The following CTIF variants were observed in gnomAD, a reference collection of about 807,000 sequenced individuals.
The protein encoded by CTIF is cap binding complex dependent translation initiation factor.
CTIF carries 21 observed loss-of-function variants against 66.0 expected under a neutral mutation model. The observed-to-expected ratio is 0.32, with a 90% CI of 0.23 to 0.46. CTIF has a LOEUF of 0.46. Among genes scored for constraint, CTIF ranks in the 20% least tolerant of loss-of-function variants. The probability of loss-of-function intolerance (pLI) is 1.00; values close to 1 mark genes in which losing one functional copy is unlikely to be tolerated. For missense variants in CTIF, 739 were observed against 812.7 expected, an observed-to-expected ratio of 0.91 and a Z score of 1.10; for synonymous variants, 345 against 326.4, an observed-to-expected ratio of 1.06 and a Z score of -0.62.
At chr18:48,604,149 C>A (rs57692538) in intron 1 of CTIF, among the ~76,000 whole-genome samples, 6,390 of 129,360 alleles carry the variant, frequency 0.049, 479 homozygotes, top group African/African-American at 0.17. Flanking sequence ...CCGCTGACTC[C>A]GTGATTTTTT....
At chr18:48,655,096 C>T (rs1308862825) in intron 3 of CTIF, among the ~76,000 whole-genome samples, 1 of 151,816 alleles carries the variant, frequency 6.6e-6, no homozygotes, top group Non-Finnish European at 1.5e-5. Flanking sequence ...GCATTGTGCA[C>T]ATGTACCCTA....
At chr18:48,805,873 G>A (rs760242699) in intron 9 of CTIF, among the ~76,000 whole-genome samples, 3 of 152,234 alleles carry the variant, frequency 2.0e-5, no homozygotes, top group East Asian at 1.9e-4. Flanking sequence ...ACCACGTACC[G>A]TGGGATATTT....
chr18:48,797,501 G>A (rs1279820506), intron 9 of CTIF, among the ~76,000 whole-genome samples: 1 of 148,954 alleles, frequency 6.7e-6, no homozygotes, highest in Non-Finnish European at 1.5e-5. Flanking sequence ...AAGGGGTGGG[G>A]GGGCAAGTTT....
rs529002193 is a variant in CTIF, at chr18:48,546,511, A to G, written c.-29+7199A>G. Among the ~76,000 whole-genome samples the G allele has an allele frequency of 7.7e-4, 117 of 152,310 alleles. 1 individual carries two copies. Among genetic ancestry groups the G allele is most frequent in the Admixed American group, 7.5e-3 (114 of 15,300 alleles). On this transcript the variant is annotated intron_variant, in intron 1 of 11. Coordinates refer to ENST00000256413, the MANE Select transcript of CTIF (RefSeq NM_014772.3). ...GACAGAGCACCTAGAAAGGCTGTGT[A>G]AGCTGTAGCTAGCGTCCTTTCAAAG...
intron 10 of CTIF, among the ~76,000 whole-genome samples, chr18:48,831,267 C>G (rs1362878976): frequency 1.3e-5 from 2 of 152,276 alleles, no homozygotes; most frequent in Admixed American, 6.5e-5. Flanking sequence ...TCTGTTCTGT[C>G]CCTGCCTTTG....
At chr18:48,621,970 G>A (rs569824116) in intron 2 of CTIF, among the ~76,000 whole-genome samples, 113 of 152,316 alleles carry the variant, frequency 7.4e-4, no homozygotes, top group African/African-American at 2.6e-3. Context: ...GTGGGGCCGC[G>A]CATCTAAAAT....
intron 3 of CTIF, among the ~76,000 whole-genome samples, chr18:48,643,817 C>T (rs1426400346): frequency 6.6e-6 from 1 of 152,054 alleles, no homozygotes; most frequent in African/African-American, 2.4e-5. Flanking sequence ...GAGTTTAAGG[C>T]CTCCAGTGAA....
rs58084631 is a variant in CTIF at position 48,568,633 on chromosome 18, TAAAAAAAAAAAAAAAAAAA to T, written c.-29+29338_-29+29356del. Among the ~76,000 whole-genome samples the T allele has an allele frequency of 3.7e-3, 137 of 36,660 alleles. 2 individuals carry two copies. Among genetic ancestry groups the T allele is most frequent in the African/African-American group, 8.7e-3 (117 of 13,416 alleles). 24.1% of individuals were successfully genotyped at this position (36,660 alleles called of 152,430 possible). A position where few individuals can be genotyped will look rare whatever the true frequency, so the allele number is the denominator to read the frequency against. On this transcript the variant is annotated intron_variant, in intron 1 of 11. Coordinates refer to ENST00000256413, the MANE Select transcript of CTIF (RefSeq NM_014772.3). ...GAAATACCTGAGACTGGGCAATTTG[TAAAAAAAAAAAAAAAAAAA>T]AAAAAAAAAAAAAAAAGAGGTTTAA...
chr18:48,800,910 T>C (rs1350775762), intron 9 of CTIF, among the ~76,000 whole-genome samples: 2 of 152,222 alleles, frequency 1.3e-5, no homozygotes, highest in Admixed American at 6.5e-5. Flanking sequence ...AGGCGTGTCC[T>C]CAACCACATG....
intron 9 of CTIF, among the ~76,000 whole-genome samples, chr18:48,815,106 A>G (rs1284447178): frequency 6.6e-6 from 1 of 152,228 alleles, no homozygotes; most frequent in East Asian, 1.9e-4. Flanking sequence ...TCTTGCCACA[A>G]AAACAAACAA....
chr18:48,837,482 A>G (rs1463698729), intron 10 of CTIF, among the ~76,000 whole-genome samples: 2 of 152,088 alleles, frequency 1.3e-5, no homozygotes, highest in Non-Finnish European at 2.9e-5. Context: ...TGGGGGAAGC[A>G]CCTGAAGGCA....
chr18:48,619,963 C>T (rs1226180381), intron 2 of CTIF, among the ~76,000 whole-genome samples: 1 of 152,210 alleles, frequency 6.6e-6, no homozygotes, highest in Non-Finnish European at 1.5e-5. Context: ...CTCCACTCCT[C>T]CCTATCCAAT....
chr18:48,642,980 A>G (rs1322460067), intron 3 of CTIF, among the ~76,000 whole-genome samples: 1 of 152,206 alleles, frequency 6.6e-6, no homozygotes, highest in Non-Finnish European at 1.5e-5. Flanking sequence ...AAGCACATTA[A>G]GAAGTACAAC....
At chr18:48,835,276 G>A (rs1361054923) in intron 10 of CTIF, among the ~76,000 whole-genome samples, 3 of 152,144 alleles carry the variant, frequency 2.0e-5, no homozygotes, top group African/African-American at 4.8e-5. Context: ...AGGGTACCCA[G>A]CCTCAACCTC....
intron 7 of CTIF, chr18:48,755,786 G>A (rs1407431915): frequency 6.6e-6 from 1 of 152,172 alleles, no homozygotes; most frequent in Admixed American, 6.5e-5. Context: ...TCAGTTCAGG[G>A]TACCAGATTT....
chr18:48,556,004 T>C (rs1347663130), intron 1 of CTIF, among the ~76,000 whole-genome samples: 1 of 152,224 alleles, frequency 6.6e-6, no homozygotes, highest in Non-Finnish European at 1.5e-5. Context: ...GGCAGGACTT[T>C]CAGCTCCCCA....
At chr18:48,745,073 C>T (rs1010422936) in intron 7 of CTIF, among the ~76,000 whole-genome samples, 4 of 152,082 alleles carry the variant, frequency 2.6e-5, no homozygotes, top group African/African-American at 9.7e-5. Context: ...CCGCCTGCCT[C>T]GGCCTCCCAA....
intron 1 of CTIF, among the ~76,000 whole-genome samples, chr18:48,600,749 C>T (rs980442833): frequency 2.6e-5 from 4 of 152,174 alleles, no homozygotes; most frequent in African/African-American, 9.6e-5. Context: ...GTCTCTCCAT[C>T]CCCTCTCCTG....
intron 6 of CTIF, among the ~76,000 whole-genome samples, chr18:48,677,415 G>T (rs935538714): frequency 4.6e-5 from 7 of 152,228 alleles, no homozygotes; most frequent in African/African-American, 1.7e-4. Context: ...CATAGACGGG[G>T]ACATGGTATT....
Sources: gnomAD v4.1 joint callset for allele counts (sites outside exome capture counted in the v4.1 genomes callset) on GRCh38, gnomAD v4.1.1 for gene constraint, MANE v1.5 for transcripts, NCBI Gene and HGNC (gene_info 2026-07-23, HGNC 2026-07-21) for gene names.